Variants in SLC36A1 observed in about 807,000 individuals in gnomAD.
The protein encoded by SLC36A1 is proton-coupled amino acid transporter 1.
A neutral mutation model predicts 47.5 loss-of-function variants in SLC36A1; 30 were observed. The ratio of observed to expected loss-of-function variants is 0.63; its 90% CI spans 0.47 to 0.86. The LOEUF (loss-of-function observed/expected upper bound fraction) is 0.86, where lower values mean the gene tolerates loss of function less well. Among genes scored for constraint, SLC36A1 ranks in the 40% least tolerant of loss-of-function variants. The pLI, the probability that SLC36A1 is intolerant of heterozygous loss-of-function variation, is 0.00. For missense variants in SLC36A1, 517 were observed against 606.0 expected (o/e 0.85, Z 1.54); for synonymous variants, 255 against 249.7 (o/e 1.02, Z -0.20).
chr5:151,499,354 G>T, the SLC36A1 span, among the ~76,000 whole-genome samples: 1 of 152,170 alleles, frequency 6.6e-6, no homozygotes, highest in Non-Finnish European at 1.5e-5. Flanking sequence ...CCAGCACCTG[G>T]GTCTGGCACC....
the SLC36A1 span, among the ~76,000 whole-genome samples, chr5:151,502,871 A>G: frequency 6.7e-6 from 1 of 148,428 alleles, no homozygotes; most frequent in Non-Finnish European, 1.5e-5. Flanking sequence ...GGGTAAATAA[A>G]CTGTAGTACA....
chr5:151,352,558 G>T, the SLC36A1 span, among the ~76,000 whole-genome samples: 2 of 151,852 alleles, frequency 1.3e-5, no homozygotes, highest in African/African-American at 4.8e-5. Context: ...AAGGCCAGAA[G>T]CCCTAAATCA....
the SLC36A1 span, chr5:151,550,557 A>C: frequency 6.2e-7 from 1 of 1,610,962 alleles, no homozygotes; most frequent in Non-Finnish European, 8.5e-7. Flanking sequence ...CTACATGCAA[A>C]CGTATTCTCA....
intron 2 of SLC36A1, among the ~76,000 whole-genome samples, chr5:151,461,908 T>C (rs1755573872): frequency 6.6e-6 from 1 of 151,892 alleles, no homozygotes; most frequent in Non-Finnish European, 1.5e-5. Context: ...ATGTTACTTG[T>C]CTTAAGGCAA....
At chr5:151,456,595 G>A (rs1754557479) in intron 1 of SLC36A1, among the ~76,000 whole-genome samples, 1 of 152,072 alleles carries the variant, frequency 6.6e-6, no homozygotes, top group Non-Finnish European at 1.5e-5. Context: ...TTGCCCCAGA[G>A]CTGGTTGGCG....
the SLC36A1 span, among the ~76,000 whole-genome samples, chr5:151,538,893 C>T: frequency 6.6e-6 from 1 of 151,648 alleles, no homozygotes; most frequent in South Asian, 2.1e-4. Flanking sequence ...ACCATGTTGG[C>T]CAGGCTGGTC....
chr5:151,352,854 TC>T, the SLC36A1 span, among the ~76,000 whole-genome samples: 1 of 152,226 alleles, frequency 6.6e-6, no homozygotes, highest in African/African-American at 2.4e-5. Context: ...AGGATAAACC[TC>T]CCATCTCAAG....
the SLC36A1 span, chr5:151,544,243 A>G: frequency 6.2e-7 from 1 of 1,614,204 alleles, no homozygotes; most frequent in Non-Finnish European, 8.5e-7. Context: ...GTCAGAAGCC[A>G]ACAGTTGGAT....
the SLC36A1 span, among the ~76,000 whole-genome samples, chr5:151,520,121 C>G: frequency 3.0e-4 from 45 of 152,336 alleles, no homozygotes; most frequent in Admixed American, 2.0e-3. Context: ...CGAGTGGTCC[C>G]TGGACAAAGT....
At chr5:151,454,838 G>C (rs897504664) in intron 1 of SLC36A1, among the ~76,000 whole-genome samples, 3 of 148,066 alleles carry the variant, frequency 2.0e-5, no homozygotes, top group African/African-American at 7.5e-5. Context: ...TCAGCCTCCC[G>C]AGTAGCTGGG....
At chr5:151,421,180 C>CCTTCCTTCCTTCCTTA in the SLC36A1 span, among the ~76,000 whole-genome samples, 1 of 89,138 alleles carries the variant, frequency 1.1e-5, no homozygotes, top group Admixed American at 9.5e-5. Context: ...TTCTCTCCTT[C>CCTTCCTTCCTTCCTTA]CTTCCTTCCT....
At chr5:151,521,278 T>C in the SLC36A1 span, 8 of 1,604,426 alleles carry the variant, frequency 5.0e-6, no homozygotes, top group Admixed American at 1.7e-5. Context: ...GTACTTACCA[T>C]TGCAGGAGCA....
At chr5:151,461,442 C>T (rs1404381127) in intron 2 of SLC36A1, among the ~76,000 whole-genome samples, 4 of 152,216 alleles carry the variant, frequency 2.6e-5, no homozygotes, top group South Asian at 4.1e-4. Flanking sequence ...ATCAAGCCTC[C>T]GTGCTTCTTC....
At chr5:151,349,661 C>T in the SLC36A1 span, among the ~76,000 whole-genome samples, 2 of 152,270 alleles carry the variant, frequency 1.3e-5, no homozygotes, top group Non-Finnish European at 1.5e-5. Context: ...GGTGAAAAGA[C>T]AGCCTGCCCA....
the SLC36A1 span, among the ~76,000 whole-genome samples, chr5:151,350,662 A>G: frequency 6.6e-6 from 1 of 152,100 alleles, no homozygotes; most frequent in African/African-American, 2.4e-5. Context: ...TCAACCCCCT[A>G]AAGCTGGAAG....
At chr5:151,505,734 C>T in the SLC36A1 span, 1 of 1,613,612 alleles carries the variant, frequency 6.2e-7, no homozygotes, top group South Asian at 1.1e-5. Context: ...CCCCTTGTAG[C>T]CCCCGTCTGC....
the SLC36A1 span, chr5:151,550,809 A>G: frequency 1.1e-5 from 17 of 1,613,940 alleles, no homozygotes; most frequent in Non-Finnish European, 1.4e-5. Context: ...CTCTGACTTC[A>G]TAACGAGTTT....
chr5:151,537,002 A>G, the SLC36A1 span, among the ~76,000 whole-genome samples: 1 of 151,288 alleles, frequency 6.6e-6, no homozygotes, highest in Non-Finnish European at 1.5e-5. Context: ...CCTTTCCCCC[A>G]CTCTCTTACC....
chr5:151,438,146 C>T (rs1426880638), intron 1 of SLC36A1, among the ~76,000 whole-genome samples: 4 of 152,160 alleles, frequency 2.6e-5, no homozygotes, highest in African/African-American at 4.8e-5. Context: ...GATTAATTAA[C>T]GTCTTTGGGA....
Sources: gnomAD v4.1 joint callset for allele counts (sites outside exome capture counted in the v4.1 genomes callset) on GRCh38, gnomAD v4.1.1 for gene constraint, MANE v1.5 for transcripts, NCBI Gene and HGNC (gene_info 2026-07-23, HGNC 2026-07-21) for gene names.